The following GRM1 variants were observed in gnomAD, a reference collection of about 807,000 sequenced individuals.
GRM1 encodes glutamate metabotropic receptor 1.
Under a neutral mutation model 90.9 loss-of-function variants are expected in GRM1, and 33 were observed. The ratio of observed to expected loss-of-function variants is 0.36; its 90% CI spans 0.28 to 0.49. GRM1 has a LOEUF of 0.49. GRM1 is among the 20% of genes least tolerant of loss of function. The pLI is 0.99. For missense variants in GRM1, 1,190 were observed against 1,534.3 expected, an observed-to-expected ratio of 0.78 and a Z score of 3.75; for synonymous variants, 700 against 613.2, an observed-to-expected ratio of 1.14 and a Z score of -2.09.
chr6:146,246,414 T>C (rs1781061453), intron 2 of GRM1, among the ~76,000 whole-genome samples: 1 of 152,174 alleles, frequency 6.6e-6, no homozygotes, highest in Non-Finnish European at 1.5e-5. Context: ...GATGGCTCTT[T>C]GTAATAGCTT....
At chr6:146,433,525 AGTGTGT>A (rs72224796) in intron 7 of GRM1, among the ~76,000 whole-genome samples, 32,458 of 147,912 alleles carry the variant, frequency 0.22, 4,456 homozygotes, top group East Asian at 0.41. Context: ...GTTTTTCAAA[AGTGTGT>A]GTGTGTGTGT....
chr6:146,281,321 T>C (rs1371362982), intron 2 of GRM1, among the ~76,000 whole-genome samples: 1 of 152,332 alleles, frequency 6.6e-6, no homozygotes, highest in East Asian at 1.9e-4. Flanking sequence ...TGTAAGATTT[T>C]GGTACATTAC....
At chr6:146,267,906 T>C (rs1781979183) in intron 2 of GRM1, among the ~76,000 whole-genome samples, 1 of 152,134 alleles carries the variant, frequency 6.6e-6, no homozygotes, top group Admixed American at 6.5e-5. Context: ...ATACCTTGTA[T>C]CCCTCAATCC....
At chr6:146,099,739 C>A (rs1412843332) in intron 1 of GRM1, among the ~76,000 whole-genome samples, 2 of 152,154 alleles carry the variant, frequency 1.3e-5, no homozygotes, top group Non-Finnish European at 2.9e-5. Context: ...TTTGTCCATT[C>A]ATTTTTAATA....
chr6:146,301,673 A>G (rs1783387396), intron 2 of GRM1, among the ~76,000 whole-genome samples: 1 of 152,160 alleles, frequency 6.6e-6, no homozygotes, highest in Admixed American at 6.5e-5. Context: ...TTACCCTTAG[A>G]CAGAATTTCT....
At chr6:146,318,426 C>T (rs923436104) in intron 3 of GRM1, among the ~76,000 whole-genome samples, 7 of 152,006 alleles carry the variant, frequency 4.6e-5, no homozygotes, top group Admixed American at 2.6e-4. Flanking sequence ...GGGTTGGTTC[C>T]GAGTCTTTGC....
upstream of GRM1, among the ~76,000 whole-genome samples, chr6:146,029,005 C>A (rs538892126): frequency 1.3e-4 from 20 of 152,280 alleles, no homozygotes; most frequent in African/African-American, 4.6e-4. Context: ...CGCCTGGACC[C>A]GTGAGGACAG....
At chr6:146,066,636 T>C (rs1477375566) in intron 1 of GRM1, among the ~76,000 whole-genome samples, 1 of 152,194 alleles carries the variant, frequency 6.6e-6, no homozygotes, top group Non-Finnish European at 1.5e-5. Flanking sequence ...TCCAAATTGC[T>C]CTCTATGGTG....
intron 7 of GRM1, among the ~76,000 whole-genome samples, chr6:146,410,026 A>C (rs1777503669): frequency 6.6e-6 from 1 of 152,230 alleles, no homozygotes; most frequent in African/African-American, 2.4e-5. Context: ...TGTGGGAATT[A>C]ATATCTTTTT....
chr6:146,343,677 T>C (rs1461541867), intron 3 of GRM1, among the ~76,000 whole-genome samples: 1 of 151,174 alleles, frequency 6.6e-6, no homozygotes, highest in Non-Finnish European at 1.5e-5. Context: ...ATTATTATTA[T>C]TATTATTGAG....
Position 146,434,640 on chromosome 6 carries a change from T to TG in GRM1, c.3430dup (p.Ala1144GlyfsTer105). On this transcript the variant is annotated frameshift_variant, in exon 8 of 8. Transcript: ENST00000282753. LOFTEE classifies it high-confidence loss of function. ...GCAAACTGACCCCGGATGATTCGCC[T>TG]GCGCTGACGCCTCCGTCGCCTTTCC... 1 of 1,611,004 alleles carries TG rather than the reference T, an allele frequency of 6.2e-7. No homozygotes were observed. The highest frequency in any genetic ancestry group is 8.5e-7 in the Non-Finnish European group (1 of 1,179,996).
At chr6:146,433,474 A>G (rs1232834280) in intron 7 of GRM1, among the ~76,000 whole-genome samples, 1 of 151,482 alleles carries the variant, frequency 6.6e-6, no homozygotes, top group East Asian at 1.9e-4. Context: ...TCCATGTGTA[A>G]CTAAGATTTT....
intron 2 of GRM1, among the ~76,000 whole-genome samples, chr6:146,302,285 C>T (rs895441305): frequency 7.3e-5 from 11 of 150,170 alleles, no homozygotes; most frequent in Admixed American, 2.7e-4. Flanking sequence ...CACACACAGG[C>T]GTGCGTGCAC....
rs569634701 is a variant in GRM1 at position 146,397,138 on chromosome 6, T to A, written c.1730-1631T>A. Among the ~76,000 whole-genome samples, 6 of 152,132 alleles carry A rather than the reference T, an allele frequency of 3.9e-5. No homozygotes were observed. In the East Asian group the frequency reaches 9.7e-4, roughly 25 times the overall value. On this transcript the variant is annotated intron_variant, in intron 6 of 7. Transcript: ENST00000282753. The stretch of plus-strand genomic sequence containing the variant: ...TCTTCAAAATTATCTTGGTGAAGCC[T>A]CTAGAAATATGAAACATGGTGAGAC...
chr6:146,396,609 A>G (rs1231889172), intron 6 of GRM1, among the ~76,000 whole-genome samples: 2 of 152,152 alleles, frequency 1.3e-5, no homozygotes, highest in African/African-American at 4.8e-5. Context: ...CAAACACACA[A>G]ACAAAACAGA....
chr6:146,186,417 G>T (rs920901009), intron 2 of GRM1, among the ~76,000 whole-genome samples: 16 of 152,112 alleles, frequency 1.1e-4, no homozygotes, highest in African/African-American at 3.9e-4. Flanking sequence ...CAAGGACACA[G>T]ATTTCTTTTT....
intron 1 of GRM1, among the ~76,000 whole-genome samples, chr6:146,062,586 T>G (rs1252231511): frequency 6.6e-6 from 1 of 151,792 alleles, no homozygotes; most frequent in Non-Finnish European, 1.5e-5. Context: ...TTTGTTTTTG[T>G]TTTTCCTTCA....
chr6:146,355,686 A>T (rs1293316227), intron 4 of GRM1, among the ~76,000 whole-genome samples: 1 of 151,758 alleles, frequency 6.6e-6, no homozygotes, highest in Non-Finnish European at 1.5e-5. Context: ...AAACAAAAAA[A>T]CTAGGCCAGA....
rs1356815025 is a variant in GRM1, at chr6:146,436,321, G to C, written c.*1525G>C. The C allele has an allele frequency of 6.6e-6, 1 of 152,114 alleles. No individual in the cohort carries two copies. Among genetic ancestry groups the C allele is most frequent in the Non-Finnish European group, 1.5e-5 (1 of 68,032 alleles). The allele number at this position is 152,114 out of a possible 1,614,324, so 9.4% of individuals were successfully genotyped here. A position where few individuals can be genotyped will look rare whatever the true frequency, so the allele number is the denominator to read the frequency against. On this transcript the variant is annotated 3_prime_UTR_variant, in exon 8 of 8. Coordinates refer to ENST00000282753, the MANE Select transcript of GRM1 (RefSeq NM_001278064.2). ...GTGGAGATATGTTATTAATGAAGTGGTTTGAAAATTTGTTATATTAAAAGT... is the reference window on the plus strand; with the variant it reads ...GTGGAGATATGTTATTAATGAAGTGCTTTGAAAATTTGTTATATTAAAAGT...
Sources: gnomAD v4.1 joint callset for allele counts (sites outside exome capture counted in the v4.1 genomes callset) on GRCh38, gnomAD v4.1.1 for gene constraint, MANE v1.5 for transcripts, NCBI Gene and HGNC (gene_info 2026-07-23, HGNC 2026-07-21) for gene names.